Variants in ICE1 observed in about 807,000 individuals in gnomAD.
ICE1 encodes the protein little elongation complex subunit 1.
In ICE1, 64 loss-of-function variants were observed where a neutral mutation model predicts 192.7. The observed-to-expected ratio is 0.33, with a 90% confidence interval of 0.27 to 0.41. ICE1 has a LOEUF of 0.41. Ranked by LOEUF, ICE1 falls within the 10% of genes least tolerant of loss-of-function variation. The pLI is 1.00. For synonymous variants in ICE1, 1,010 were observed against 984.5 expected (o/e 1.03, Z -0.49); for missense variants, 2,708 against 2,696.0 (o/e 1.00, Z -0.10).
At chr5:5,430,236 C>T (rs1213522129) in intron 1 of ICE1, among the ~76,000 whole-genome samples, 2 of 151,988 alleles carry the variant, frequency 1.3e-5, no homozygotes, top group African/African-American at 2.4e-5. Context: ...TTCACAATTG[C>T]GAGGTTCATT....
chr5:5,468,320 G>T (rs1252339429), intron 14 of ICE1, among the ~76,000 whole-genome samples: 1 of 152,044 alleles, frequency 6.6e-6, no homozygotes, highest in East Asian at 1.9e-4. Flanking sequence ...TTGTGGTGGT[G>T]GTTTCGTGGA....
chr5:5,427,595 A>G (rs1737563602), intron 1 of ICE1, among the ~76,000 whole-genome samples: 1 of 152,198 alleles, frequency 6.6e-6, no homozygotes, highest in African/African-American at 2.4e-5. Context: ...GAGCCTGTCC[A>G]TAAACTTGTG....
At chr5:5,442,978 T>C (rs1738092823) in intron 5 of ICE1, among the ~76,000 whole-genome samples, 190 bp from the exon 6 acceptor site, 1 of 152,226 alleles carries the variant, frequency 6.6e-6, no homozygotes. Context: ...TTATAGTTTT[T>C]GTTGGATTAT....
At chr5:5,442,816 G>A (rs955908987) in intron 5 of ICE1, among the ~76,000 whole-genome samples, 8 of 152,058 alleles carry the variant, frequency 5.3e-5, no homozygotes, top group African/African-American at 1.9e-4. Context: ...ATTTTCCCTA[G>A]CAATACCGTT....
chr5:5,465,494 A>T (rs1281529356), intron 13 of ICE1, among the ~76,000 whole-genome samples: 1 of 152,200 alleles, frequency 6.6e-6, no homozygotes, highest in African/African-American at 2.4e-5. Context: ...ACATATATCC[A>T]CTTGATCCTG....
intron 15 of ICE1, among the ~76,000 whole-genome samples, chr5:5,470,045 C>G (rs989575587): frequency 1.3e-5 from 2 of 152,106 alleles, no homozygotes; most frequent in African/African-American, 4.8e-5. Context: ...CGAGGGTTAC[C>G]TGTTCCCAGA....
intron 6 of ICE1, 60 bp from the exon 7 acceptor site, chr5:5,444,229 A>G: frequency 9.7e-7 from 1 of 1,028,818 alleles, no homozygotes; most frequent in Non-Finnish European, 1.5e-6. Flanking sequence ...ACAAATTATA[A>G]GGCATATTTT....
intron 1 of ICE1, among the ~76,000 whole-genome samples, chr5:5,427,856 G>C (rs1419175781): frequency 6.6e-6 from 1 of 152,128 alleles, no homozygotes; most frequent in Admixed American, 6.5e-5. Context: ...AAGTAGAAAA[G>C]CAACCACAGT....
At chr5:5,486,261 T>G (rs898208914) in intron 17 of ICE1, among the ~76,000 whole-genome samples, 2 of 152,210 alleles carry the variant, frequency 1.3e-5, no homozygotes, top group Non-Finnish European at 2.9e-5. Context: ...TCCGGTAGTT[T>G]GATCTGCTGT....
chr5:5,479,194 A>T (rs571583766), intron 17 of ICE1, among the ~76,000 whole-genome samples: 1 of 152,332 alleles, frequency 6.6e-6, no homozygotes, highest in African/African-American at 2.4e-5. Flanking sequence ...TTTGCAATCT[A>T]TCCATCTGAC....
At chr5:5,425,520 A>G (rs1034750993) in intron 1 of ICE1, among the ~76,000 whole-genome samples, 1 of 152,114 alleles carries the variant, frequency 6.6e-6, no homozygotes, top group South Asian at 2.1e-4. Context: ...TTGCATTTGG[A>G]TTTTCTGTGG....
Position 5,463,192 on chromosome 5 carries a change from G to C in ICE1, c.3858G>C (p.Leu1286Phe). ...ATGGTAAAGATACTGGCAGTTTATT[G>C]CTCTTAAATGTAAATAACAACATGA... ...DCNGKDTGSL[L>F]LLNVNNNMTT... Residue 1286 changes from leucine (L) to phenylalanine (F), a missense_variant, in exon 13 of 19, where the codon TTG becomes TTC. Transcript: ENST00000296564. The C allele has an allele frequency of 1.9e-6, 3 of 1,611,386 alleles. No individual in the cohort carries two copies. The highest frequency in any genetic ancestry group is 2.5e-6 in the Non-Finnish European group (3 of 1,178,972).
intron 17 of ICE1, among the ~76,000 whole-genome samples, chr5:5,484,906 C>A (rs922291553): frequency 1.3e-5 from 2 of 152,184 alleles, no homozygotes; most frequent in Admixed American, 1.3e-4. Context: ...GATATGTTCG[C>A]AATTCTCCTA....
chr5:5,466,003 C>G (rs1324698010), intron 13 of ICE1, among the ~76,000 whole-genome samples: 1 of 152,124 alleles, frequency 6.6e-6, no homozygotes, highest in Non-Finnish European at 1.5e-5. Flanking sequence ...ACACAGATTA[C>G]ATAAGGCAAA....
intron 17 of ICE1, among the ~76,000 whole-genome samples, chr5:5,483,021 G>A (rs777864043): frequency 6.6e-6 from 1 of 151,698 alleles, no homozygotes; most frequent in South Asian, 2.1e-4. Context: ...ACGGAGTTTC[G>A]CTCTTGTTGC....
chr5:5,477,856 A>G (rs549243609), intron 17 of ICE1, among the ~76,000 whole-genome samples: 71 of 152,338 alleles, frequency 4.7e-4, no homozygotes, highest in Middle Eastern at 3.4e-3. Flanking sequence ...CTAATCCATC[A>G]CATAAACAGA....
chr5:5,464,982 C>T lies in ICE1; in HGVS notation c.5648C>T (p.Thr1883Ile). 5.0e-6 allele frequency: 8 copies of T among 1,613,826 alleles called. No individual in the cohort carries two copies. Among genetic ancestry groups the T allele is most frequent in the Non-Finnish European group, 6.8e-6 (8 of 1,179,814 alleles). Residue 1883 changes from threonine (T) to isoleucine (I), a missense_variant, in exon 13 of 19, where the codon ACA becomes ATA. This residue lies in a region of ICE1 where 2,366 missense variants were observed against 2,276.6 expected (regional missense o/e 1.04). Transcript: ENST00000296564. The surrounding 1 kb of genome is among the most constrained non-coding windows in gnomAD (Gnocchi z 4.0). ...CTCCCTCCAGCTGAAGTTGCAACAA[C>T]AAATGAGGAAAGAAGTTGTTCTAGT... Reference protein sequence around the residue: ...GNLPPAEVATTNEERSCSSPA... With the variant: ...GNLPPAEVATINEERSCSSPA...
chr5:5,473,254 C>T (rs1242873937), intron 15 of ICE1, among the ~76,000 whole-genome samples: 2 of 152,150 alleles, frequency 1.3e-5, no homozygotes, highest in South Asian at 2.1e-4. Flanking sequence ...AGCTTTCTAA[C>T]TTTAATTCTC....
chr5:5,460,082 G>A (rs993293595), intron 12 of ICE1, among the ~76,000 whole-genome samples: 1 of 152,182 alleles, frequency 6.6e-6, no homozygotes, highest in Non-Finnish European at 1.5e-5. Flanking sequence ...AGCAACCTGG[G>A]TCAGAGCCTT....
Sources: allele counts gnomAD v4.1 joint callset (sites outside exome capture counted in the v4.1 genomes callset), GRCh38; gene constraint gnomAD v4.1.1; regional missense constraint gnomAD v4.1.1; non-coding constraint Gnocchi (gnomAD v3.1); transcripts MANE v1.5; gene names NCBI Gene and HGNC (gene_info 2026-07-23, HGNC 2026-07-21).